Variants in BICRA observed in about 807,000 individuals in gnomAD.
BICRA encodes BRD4 interacting chromatin remodeling complex associated protein.
Under a neutral mutation model 96.9 loss-of-function variants are expected in BICRA, and 31 were observed. The observed-to-expected ratio is 0.32, with a 90% confidence interval of 0.24 to 0.43. The LOEUF is 0.43. Among genes scored for constraint, BICRA ranks in the 20% least tolerant of loss-of-function variants. The pLI is 1.00. For missense variants in BICRA, 2,283 were observed against 2,190.3 expected (o/e 1.04, Z -0.84); for synonymous variants, 1,350 against 1,071.8 (o/e 1.26, Z -5.07).
chr19:47,661,612 G>A (rs2123561744), intron 1 of BICRA: 1 of 152,312 alleles, frequency 6.6e-6, no homozygotes, highest in East Asian at 1.9e-4. Context: ...TATTTTAATG[G>A]CAGGAGCAGC....
intron 1 of BICRA, among the ~76,000 whole-genome samples, chr19:47,644,585 C>T (rs1263610465): frequency 6.6e-6 from 1 of 151,592 alleles, no homozygotes; most frequent in Non-Finnish European, 1.5e-5. Context: ...ACTGCAACCT[C>T]TGCCTCTTGG....
intron 2 of BICRA, among the ~76,000 whole-genome samples, chr19:47,673,329 CATT>C (rs1212623153): frequency 6.6e-5 from 10 of 152,252 alleles, no homozygotes; most frequent in African/African-American, 2.2e-4. Context: ...TTGATATCAT[CATT>C]ATCATCATCA....
At position 47,679,841 on chromosome 19, in the gene BICRA, G is replaced by T. The variant is rs1397549591; in HGVS notation, c.671G>T (p.Gly224Val). The change falls in exon 6 of 15, where the codon GGT becomes GTT. Residue 224 changes from glycine to valine, a missense_variant. Transcript: ENST00000594866. ...LQGLPNGSPG[G>V]ATAATLGLAP... ...GGCCTGCCCAATGGCAGCCCTGGGGGTGCCACGGCGGCCACACTGGGCCTG... is the reference window on the plus strand; with the variant it reads ...GGCCTGCCCAATGGCAGCCCTGGGGTTGCCACGGCGGCCACACTGGGCCTG... 44 of 1,490,658 alleles carry T rather than the reference G, an allele frequency of 3.0e-5. No homozygotes were observed. The East Asian group carries it at 1.1e-3, about 36-fold the overall frequency. 92.3% of individuals were successfully genotyped at this position (1,490,658 alleles called of 1,614,324 possible).
Position 47,680,485 on chromosome 19 carries a change from C to A in BICRA, c.1315C>A (p.Pro439Thr), listed in dbSNP as rs114525121. ...CACCACCGGAGCGGCCCCGCCGCAGCCCCCCGGGGCCCTGAGCAAACCCAT... is the reference window on the plus strand; with the variant it reads ...CACCACCGGAGCGGCCCCGCCGCAGACCCCCGGGGCCCTGAGCAAACCCAT... ...ATTTGAAPPQ[P>T]PGALSKPMSV... Residue 439 changes from proline to threonine, a missense_variant, in exon 6 of 15, where the codon CCC (proline) becomes ACC (threonine). By Grantham distance (38) the Pro-to-Thr change is conservative. Coordinates refer to ENST00000594866, the MANE Select transcript of BICRA (RefSeq NM_001394372.1). The A allele has an allele frequency of 1.4e-3, 2,114 of 1,540,640 alleles. 16 individuals carry two copies. The African/African-American group carries it at 0.026, about 19-fold the overall frequency.
chr19:47,650,883 G>A (rs1403470720), intron 1 of BICRA, among the ~76,000 whole-genome samples: 1 of 152,078 alleles, frequency 6.6e-6, no homozygotes, highest in Non-Finnish European at 1.5e-5. Flanking sequence ...CGCCCAGCCC[G>A]CACAGCCTGA....
chr19:47,674,604 T>C (rs779000813), intron 4 of BICRA, among the ~76,000 whole-genome samples: 2 of 152,100 alleles, frequency 1.3e-5, no homozygotes, highest in East Asian at 1.9e-4. Flanking sequence ...TCAGGGACTC[T>C]CATGAGGTTG....
chr19:47,694,284 C>T lies in BICRA; in HGVS notation c.2453C>T (p.Pro818Leu). 1 of 880,342 alleles carries T rather than the reference C, an allele frequency of 1.1e-6. No individual in the cohort carries two copies. 54.5% of individuals were successfully genotyped at this position (880,342 alleles called of 1,614,324 possible). Reference protein sequence around the residue: ...QSVSRPPSEPPLHPCPPPQAP... With the variant: ...QSVSRPPSEPLLHPCPPPQAP... ...GTGTCCCGCCCTCCCTCAGAGCCACCCTTGCACCCTTGCCCCCCACCCCAG... is the reference window on the plus strand; with the variant it reads ...GTGTCCCGCCCTCCCTCAGAGCCACTCTTGCACCCTTGCCCCCCACCCCAG... The change falls in exon 8 of 15, where the codon CCC (proline) becomes CTC (leucine). Residue 818 changes from proline to leucine, a missense_variant. Pro to Leu is a moderately conservative substitution (Grantham distance 98). Coordinates refer to ENST00000594866, the MANE Select transcript of BICRA (RefSeq NM_001394372.1).
Position 47,679,434 on chromosome 19 carries a change from G to GGGC in BICRA, c.273_275dup (p.Gly93dup). On this transcript the variant is annotated inframe_insertion, in exon 6 of 15. Coordinates refer to ENST00000594866, the MANE Select transcript of BICRA (RefSeq NM_001394372.1). ...ACATCCTGGGCTCTCCTGCGACAGG[G>GGGC]GGCGGCGGCGGGGGCAGTGGGGGCG... The GGGC allele has an allele frequency of 6.7e-7, 1 of 1,493,512 alleles. No homozygotes were observed. Among genetic ancestry groups the GGGC allele is most frequent in the Non-Finnish European group, 8.9e-7 (1 of 1,119,822 alleles). The allele number at this position is 1,493,512 out of a possible 1,614,324, so 92.5% of individuals were successfully genotyped here.
At chr19:47,635,537 G>A (rs1300572002) in intron 1 of BICRA, among the ~76,000 whole-genome samples, 7 of 152,114 alleles carry the variant, frequency 4.6e-5, no homozygotes, top group Non-Finnish European at 2.9e-5. Context: ...GCAGGCATGA[G>A]CCACTGCACC....
intron 1 of BICRA, among the ~76,000 whole-genome samples, chr19:47,650,376 C>A (rs1972523639): frequency 6.6e-6 from 1 of 152,226 alleles, no homozygotes; most frequent in African/African-American, 2.4e-5. Context: ...CGTGATCCTC[C>A]CGCCTTGGCC....
intron 1 of BICRA, among the ~76,000 whole-genome samples, chr19:47,621,721 C>T (rs146490855): frequency 2.0e-5 from 3 of 152,112 alleles, no homozygotes; most frequent in African/African-American, 7.2e-5. Context: ...CACTGGCGTC[C>T]GCCTCCCAAA....
At chr19:47,696,189 C>T (rs938125398) in intron 10 of BICRA, among the ~76,000 whole-genome samples, 4 of 152,014 alleles carry the variant, frequency 2.6e-5, no homozygotes, top group Admixed American at 6.6e-5. Context: ...CAGCCCTGGG[C>T]GAGGGGACGG....
intron 1 of BICRA, among the ~76,000 whole-genome samples, chr19:47,661,169 A>G (rs2081181): frequency 0.4 from 57,981 of 146,078 alleles, 11,804 homozygotes; most frequent in African/African-American, 0.44. Flanking sequence ...AGCTGAAATC[A>G]CGCCACTGCA....
rs149257098 is a variant in BICRA at position 47,623,405 on chromosome 19, C to G, written c.-108+14237C>G. On this transcript the variant is annotated intron_variant, in intron 1 of 14. Coordinates refer to ENST00000594866, the MANE Select transcript of BICRA (RefSeq NM_001394372.1). ...CTTCAAATCCTCATGAGGGTCAGAC[C>G]CCCAGGTGTTCACCATCTCCCTGTC... Among the ~76,000 whole-genome samples, 202 of 152,206 alleles carry G rather than the reference C, an allele frequency of 1.3e-3. 2 individuals are homozygous for G. The East Asian group carries it at 0.031, about 24-fold the overall frequency.
rs1486897810 is a variant in BICRA at position 47,681,233 on chromosome 19, C to A, written c.2063C>A (p.Thr688Lys). ...GGGCAGCCGCCCTCTGCCACCCCCA[C>A]GGCCATCCTCACTCAGGACTCCCTG... is the stretch of plus-strand genomic sequence containing the variant. ...VLGQPPSATP[T>K]AILTQDSLQM... is the part of the protein sequence containing the mutation. Residue 688 changes from threonine to lysine, a missense_variant, in exon 6 of 15, where the codon ACG becomes AAG. Physicochemically the swap from Thr to Lys is moderately conservative, Grantham distance 78 (BLOSUM62 -1). Transcript: ENST00000594866. 2 of 1,537,162 alleles carry A rather than the reference C, an allele frequency of 1.3e-6. No homozygotes were observed. The highest frequency in any genetic ancestry group is 1.7e-6 in the Non-Finnish European group (2 of 1,147,250).
At chr19:47,682,200 C>A in intron 7 of BICRA, 48 bp downstream of exon 7, 1 of 773,832 alleles carries the variant, frequency 1.3e-6, no homozygotes, top group Non-Finnish European at 2.1e-6. Flanking sequence ...CCCAGCCTCG[C>A]CCCTCCTGCC....
At chr19:47,631,158 C>G (rs1003264387) in intron 1 of BICRA, among the ~76,000 whole-genome samples, 17 of 152,076 alleles carry the variant, frequency 1.1e-4, no homozygotes, top group African/African-American at 3.6e-4. Context: ...TGGGTTCAAG[C>G]GATTCTTTCA....
intron 1 of BICRA, among the ~76,000 whole-genome samples, chr19:47,635,566 T>G (rs1972289055): frequency 6.6e-6 from 1 of 152,128 alleles, no homozygotes; most frequent in South Asian, 2.1e-4. Context: ...TTTCTAGGAT[T>G]TTTTTCAAAC....
In BICRA at chr19:47,692,359, T is replaced by G. The variant is rs543321686; in HGVS notation, c.2284-1756T>G. On this transcript the variant is annotated intron_variant, in intron 7 of 14. Transcript: ENST00000594866. Reference sequence around the variant, plus strand: ...CTCCAGCCTCAGTCTCCTGAGTAACTGGGATTACAGGTGCATGCCACCATG... The same window carrying G: ...CTCCAGCCTCAGTCTCCTGAGTAACGGGGATTACAGGTGCATGCCACCATG... Among the ~76,000 whole-genome samples the G allele has an allele frequency of 5.3e-5, 8 of 152,230 alleles. No individual in the cohort carries two copies. In the East Asian group the frequency reaches 1.5e-3, roughly 29 times the overall value.
Sources: allele counts gnomAD v4.1 joint callset (sites outside exome capture counted in the v4.1 genomes callset), GRCh38; gene constraint gnomAD v4.1.1; transcripts MANE v1.5; gene names NCBI Gene and HGNC (gene_info 2026-07-23, HGNC 2026-07-21).